The following ANO5 variants were observed in gnomAD, a reference collection of about 807,000 sequenced individuals.
ANO5 encodes anoctamin-5.
ANO5 carries 109 observed loss-of-function variants against 121.0 expected under a neutral mutation model. The observed-to-expected ratio is 0.90, with a 90% CI of 0.77 to 1.06. The LOEUF is 1.06. Among genes scored for constraint, ANO5 ranks in the 50% least tolerant of loss-of-function variants. ANO5 has a pLI of 0.00. For synonymous variants in ANO5, 406 were observed against 359.9 expected (o/e 1.13, Z -1.45); for missense variants, 1,064 against 1,078.5 (o/e 0.99, Z 0.19).
rs544510451 is a variant in ANO5, at chr11:22,200,264, C to T, written c.41-3540C>T. 2.0e-3 allele frequency among the ~76,000 whole-genome samples: 297 copies of T among 152,216 alleles called. 1 individual carries two copies. Among genetic ancestry groups the T allele is most frequent in the African/African-American group, 6.6e-3 (275 of 41,552 alleles). The stretch of plus-strand genomic sequence containing the variant: ...GGTGTTTTCCATGAAGTGATAGATT[C>T]ATGTCATTAATGTTTGAGGTAATAT... On this transcript the variant is annotated intron_variant, in intron 1 of 21. Coordinates refer to ENST00000324559, the MANE Select transcript of ANO5 (RefSeq NM_213599.3).
chr11:22,241,375 G>A (rs1357696376), intron 9 of ANO5, among the ~76,000 whole-genome samples: 2 of 151,580 alleles, frequency 1.3e-5, no homozygotes, highest in Non-Finnish European at 2.9e-5. Context: ...GCATCTTTTT[G>A]GTAGAACAAT....
At chr11:22,238,629 G>A (rs145416201) in intron 8 of ANO5, among the ~76,000 whole-genome samples, 83 of 151,786 alleles carry the variant, frequency 5.5e-4, no homozygotes, top group African/African-American at 2.0e-3. Context: ...AGATTCAGTT[G>A]GATTACCTAC....
In ANO5 at chr11:22,262,301, A is replaced by G; in HGVS notation, c.1800+3A>G. The G allele has an allele frequency of 6.2e-7, 1 of 1,613,412 alleles. No individual in the cohort carries two copies. The highest frequency in any genetic ancestry group is 8.5e-7 in the Non-Finnish European group (1 of 1,179,706). On this transcript the variant is annotated splice_donor_region_variant and intron_variant, in intron 16 of 21. Transcript: ENST00000324559. ...TTAATGAGTGGAGAAGTGAAGAGGT[A>G]AGAATTTCCTTGAGAGTTGAGGTGT...
At chr11:22,271,035 T>TTCTC (rs1197827538) in intron 18 of ANO5, among the ~76,000 whole-genome samples, 2 of 151,178 alleles carry the variant, frequency 1.3e-5, no homozygotes, top group East Asian at 3.9e-4. Context: ...TCAAGCAACT[T>TTCTC]TCTCTGTTTC....
chr11:22,240,696 C>G (rs1337275121), intron 9 of ANO5, among the ~76,000 whole-genome samples: 1 of 151,986 alleles, frequency 6.6e-6, no homozygotes. Flanking sequence ...AAGAGATGAA[C>G]AAAGTTTTAA....
At chr11:22,271,398 C>G (rs553722258) in intron 18 of ANO5, among the ~76,000 whole-genome samples, 1 of 152,308 alleles carries the variant, frequency 6.6e-6, no homozygotes, top group South Asian at 2.1e-4. Context: ...TGGTAGGATA[C>G]ATGAGATGAG....
Position 22,256,721 on chromosome 11 carries a change from CAG to C in ANO5, c.1333-956_1333-955del, listed in dbSNP as rs570014947. ...CTTTCATGGTTTAGAAATCATGAAACAGAGTTTTTTTTTGTTTTGTTTTGTTT... is the reference window on the plus strand; with the variant it reads ...CTTTCATGGTTTAGAAATCATGAAACAGTTTTTTTTTGTTTTGTTTTGTTT... On this transcript the variant is annotated intron_variant, in intron 13 of 21. Transcript: ENST00000324559. Among the ~76,000 whole-genome samples, 1,023 of 149,356 alleles carry C rather than the reference CAG, an allele frequency of 6.8e-3. 8 individuals carry two copies. Among genetic ancestry groups the C allele is most frequent in the African/African-American group, 0.025 (962 of 38,948 alleles).
chr11:22,234,347 A>G (rs772712997), intron 7 of ANO5, among the ~76,000 whole-genome samples: 19 of 152,092 alleles, frequency 1.2e-4, no homozygotes, highest in Non-Finnish European at 2.5e-4. Context: ...TTCATTTATA[A>G]ACTGTTGATC....
In ANO5 at chr11:22,270,395, T is replaced by C. The variant is rs1472414854; in HGVS notation, c.1982T>C (p.Leu661Pro). The change falls in exon 18 of 22, where the codon CTT (leucine) becomes CCT (proline). Residue 661 changes from leucine to proline, a missense_variant. By Grantham distance (98) the Leu-to-Pro change is moderately conservative. Transcript: ENST00000324559. ...LYSRWEQDHDLESFGPLGLFY... is the reference protein window; with the variant it reads ...LYSRWEQDHDPESFGPLGLFY... Reference sequence around the variant, plus strand: ...AGTCGATGGGAGCAGGATCATGACCTTGAAAGTTTTGGACCCCTTGGGCTT... The same window carrying C: ...AGTCGATGGGAGCAGGATCATGACCCTGAAAGTTTTGGACCCCTTGGGCTT... 3 of 1,614,066 alleles carry C rather than the reference T, an allele frequency of 1.9e-6. No individual in the cohort carries two copies. In the Admixed American group the frequency reaches 5.0e-5, roughly 27 times the overall value.
intron 16 of ANO5, 131 bp from the exon 17 acceptor site, chr11:22,262,815 C>T (rs770618272): frequency 2.7e-6 from 2 of 742,236 alleles, no homozygotes; most frequent in Non-Finnish European, 4.7e-6. Flanking sequence ...AACTATTGGG[C>T]TAAATATATC....
intron 8 of ANO5, among the ~76,000 whole-genome samples, chr11:22,238,287 T>TG (rs1853298746): frequency 6.6e-6 from 1 of 151,674 alleles, no homozygotes; most frequent in East Asian, 1.9e-4. Context: ...AGTTTTTTTT[T>TG]TTTTTTTGAA....
chr11:22,217,218 T>C (rs1852473827), intron 3 of ANO5, among the ~76,000 whole-genome samples: 2 of 152,034 alleles, frequency 1.3e-5, no homozygotes, highest in South Asian at 2.1e-4. Flanking sequence ...TGTATTGGAT[T>C]ATTTATCCAT....
At chr11:22,231,774 C>T (rs1290787330) in intron 7 of ANO5, among the ~76,000 whole-genome samples, 2 of 151,940 alleles carry the variant, frequency 1.3e-5, no homozygotes, top group African/African-American at 4.8e-5. Context: ...ATTACACTAT[C>T]ACACTTTGCA....
At position 22,262,890 on chromosome 11, in the gene ANO5, C is replaced by T. The variant is rs1368391575; in HGVS notation, c.1801-56C>T. On this transcript the variant is annotated intron_variant, in intron 16 of 21. Coordinates refer to ENST00000324559, the MANE Select transcript of ANO5 (RefSeq NM_213599.3). Reference sequence around the variant, plus strand: ...AGTTTAGGGTTTCCTTTAGGTGTTGCAAAATTCCATCTTTGATCATTCAAT... The same window carrying T: ...AGTTTAGGGTTTCCTTTAGGTGTTGTAAAATTCCATCTTTGATCATTCAAT... 4 of 1,390,648 alleles carry T rather than the reference C, an allele frequency of 2.9e-6. No homozygotes were observed. The African/African-American group carries it at 4.3e-5, about 15-fold the overall frequency. 86.1% of individuals were successfully genotyped at this position (1,390,648 alleles called of 1,614,324 possible).
In ANO5 at chr11:22,199,674, A is replaced by C. The variant is rs972111349; in HGVS notation, c.41-4130A>C. ...AAGAGTGCATTGTTCTACTTTAAAA[A>C]AAATCTCTTTGATCTCTGGCCTGAT... On this transcript the variant is annotated intron_variant, in intron 1 of 21. Transcript: ENST00000324559. 1.8e-4 allele frequency among the ~76,000 whole-genome samples: 27 copies of C among 152,168 alleles called. 2 individuals are homozygous for C. The highest frequency in any genetic ancestry group is 2.9e-5 in the Non-Finnish European group (2 of 68,008).
intron 9 of ANO5, among the ~76,000 whole-genome samples, chr11:22,241,013 C>G (rs932135533): frequency 1.3e-5 from 2 of 151,604 alleles, no homozygotes; most frequent in Non-Finnish European, 2.9e-5. Flanking sequence ...TAGGCTGTCC[C>G]AATTTTTTTA....
chr11:22,216,873 G>A (rs553568754), intron 3 of ANO5, among the ~76,000 whole-genome samples: 2 of 151,914 alleles, frequency 1.3e-5, no homozygotes, highest in South Asian at 4.1e-4. Flanking sequence ...TGGTCCTTTA[G>A]TGTGGGAGTC....
chr11:22,221,293 T>C, intron 5 of ANO5, 83 bp downstream of exon 5: 1 of 1,219,398 alleles, frequency 8.2e-7, no homozygotes, highest in Non-Finnish European at 1.2e-6. Context: ...TGAATTATGT[T>C]GTAAAAGTGA....
chr11:22,257,072 GT>G (rs60615449), intron 13 of ANO5, among the ~76,000 whole-genome samples: 123,810 of 151,108 alleles, frequency 0.82, 51,072 homozygotes, highest in African/African-American at 0.91. Flanking sequence ...TGCTGACAGC[GT>G]TTTTTTTTTG....
Sources: gnomAD v4.1 joint callset for allele counts (sites outside exome capture counted in the v4.1 genomes callset) on GRCh38, gnomAD v4.1.1 for gene constraint, MANE v1.5 for transcripts, NCBI Gene and HGNC (gene_info 2026-07-23, HGNC 2026-07-21) for gene names.